Variants in BRWD1 observed in about 807,000 individuals in gnomAD.
The protein encoded by BRWD1 is bromodomain and WD repeat-containing protein 1.
BRWD1 carries 82 observed loss-of-function variants against 251.2 expected under a neutral mutation model. That is an observed-to-expected ratio of 0.33 (90% CI 0.27 to 0.39). The LOEUF is 0.39. BRWD1 is among the 10% of genes least tolerant of loss of function. The pLI is 1.00. For missense variants in BRWD1, 2,233 were observed against 2,711.6 expected, an observed-to-expected ratio of 0.82 and a Z score of 3.92; for synonymous variants, 918 against 902.8, an observed-to-expected ratio of 1.02 and a Z score of -0.30.
chr21:39,285,871 C>CAAAAAAAAAAAA (rs113834787), intron 8 of BRWD1, among the ~76,000 whole-genome samples: 1 of 101,472 alleles, frequency 9.9e-6, no homozygotes, highest in Non-Finnish European at 1.9e-5. Context: ...GCCCAGTCAA[C>CAAAAAAAAAAAA]AAAAAAAAAA....
At chr21:39,249,921 T>G (rs1417393724) in intron 20 of BRWD1, among the ~76,000 whole-genome samples, 1 of 58,748 alleles carries the variant, frequency 1.7e-5, no homozygotes, top group Non-Finnish European at 4.1e-5. Context: ...GGGGGGTGTG[T>G]GTGTGTGTGT....
At chr21:39,297,719 A>T (rs2035996899) in intron 5 of BRWD1, 2 of 327,960 alleles carry the variant, frequency 6.1e-6, no homozygotes, top group Non-Finnish European at 8.7e-6. Context: ...TGCAGCTAAG[A>T]GTAGCATCAC....
At chr21:39,303,127 G>A (rs1212428331) in intron 4 of BRWD1, among the ~76,000 whole-genome samples, 1 of 152,194 alleles carries the variant, frequency 6.6e-6, no homozygotes, top group East Asian at 1.9e-4. Context: ...TATTTGGGAA[G>A]TGGTAAAGGA....
At chr21:39,313,641 G>GCCCCCGCGGGGGAGGAAGTAGTC, upstream of BRWD1, 1 of 494,360 alleles carries the variant, frequency 2.0e-6, no homozygotes, top group Non-Finnish European at 3.1e-6. Flanking sequence ...CTGGACCGAC[G>GCCCCCGCGGGGGAGGAAGTAGTC]CCTCCGCGGG....
rs2031633386 is a variant in BRWD1, at chr21:39,193,015, G to C, written c.*3244C>G. On this transcript the variant is annotated 3_prime_UTR_variant, in exon 41 of 41. Transcript: ENST00000342449. ...ATTTTTACTTACGAGGTCATAACGA[G>C]TGCAAAGGGCTTAGTGATGCATCTT... 1.0e-6 allele frequency: 1 copy of C among 985,056 alleles called. No individual in the cohort carries two copies. 61.0% of individuals were successfully genotyped at this position (985,056 alleles called of 1,614,324 possible).
chr21:39,287,921 C>A (rs1302609037), intron 8 of BRWD1, among the ~76,000 whole-genome samples: 1 of 152,104 alleles, frequency 6.6e-6, no homozygotes, highest in Non-Finnish European at 1.5e-5. Flanking sequence ...CAACTTACCC[C>A]AAAATTTTTA....
At chr21:39,300,304 T>C (rs2036074234) in intron 4 of BRWD1, among the ~76,000 whole-genome samples, 1 of 152,112 alleles carries the variant, frequency 6.6e-6, no homozygotes, top group Non-Finnish European at 1.5e-5. Flanking sequence ...GAGAATGATC[T>C]CTTCTGACAT....
chr21:39,313,342 G>C, intron 1 of BRWD1, 43 bp from the exon 2 acceptor site: 1 of 1,505,252 alleles, frequency 6.6e-7, no homozygotes. Context: ...GGCGGGGAGG[G>C]GAGGGGGACG....
chr21:39,256,707 T>C (rs1184280931), intron 18 of BRWD1, among the ~76,000 whole-genome samples: 1 of 152,170 alleles, frequency 6.6e-6, no homozygotes, highest in African/African-American at 2.4e-5. Context: ...AAAGTGCTCA[T>C]TTTCTTACAA....
At chr21:39,313,129 G>A (rs986375351) in intron 2 of BRWD1, 28 bp from the exon 3 acceptor site, 1 of 1,497,996 alleles carries the variant, frequency 6.7e-7, no homozygotes, top group Non-Finnish European at 8.9e-7. Flanking sequence ...GCGGTCAGGG[G>A]TGGGGTCGGG....
Position 39,187,493 on chromosome 21 carries a change from A to G in BRWD1, c.*8766T>C. 2 of 1,479,004 alleles carry G rather than the reference A, an allele frequency of 1.4e-6. No homozygotes were observed. The highest frequency in any genetic ancestry group is 1.4e-5 in the African/African-American group (1 of 70,956). The allele number at this position is 1,479,004 out of a possible 1,614,324, so 91.6% of individuals were successfully genotyped here. A position where few individuals can be genotyped will look rare whatever the true frequency, so the allele number is the denominator to read the frequency against. ...ATTTTACTACTGCTAACATTCCTCA[A>G]CAACACTCATTCGGAAACAATAAAT... On this transcript the variant is annotated 3_prime_UTR_variant, in exon 41 of 41. Transcript: ENST00000342449.
At chr21:39,270,135 G>T in intron 14 of BRWD1, 102 bp from the exon 15 acceptor site, 2 of 1,211,498 alleles carry the variant, frequency 1.7e-6, no homozygotes, top group Non-Finnish European at 2.2e-6. Context: ...AAATGTATTC[G>T]ACAATAATTT....
chr21:39,259,312 CG>C (rs2034664801), intron 17 of BRWD1, among the ~76,000 whole-genome samples: 1 of 152,080 alleles, frequency 6.6e-6, no homozygotes, highest in African/African-American at 2.4e-5. Context: ...TTTTCTGAGA[CG>C]GAGTCTCACT....
chr21:39,205,095 G>A (rs1260971997), intron 37 of BRWD1, among the ~76,000 whole-genome samples: 1 of 152,130 alleles, frequency 6.6e-6, no homozygotes, highest in African/African-American at 2.4e-5. Flanking sequence ...TCACAGAAAT[G>A]CTTTCAAGCT....
At chr21:39,277,401 G>T in intron 10 of BRWD1, 50 bp from the exon 11 acceptor site, 1 of 1,109,690 alleles carries the variant, frequency 9.0e-7, no homozygotes, top group South Asian at 2.0e-5. Flanking sequence ...ACAAATACCT[G>T]AACAAATCAA....
At chr21:39,212,001 T>C (rs193079183) in intron 34 of BRWD1, among the ~76,000 whole-genome samples, 185 of 152,262 alleles carry the variant, frequency 1.2e-3, no homozygotes, top group African/African-American at 3.9e-3. Context: ...CTTAGTTCCA[T>C]AGACCCTTCT....
intron 21 of BRWD1, among the ~76,000 whole-genome samples, chr21:39,240,626 A>G (rs984134318): frequency 1.6e-4 from 25 of 152,232 alleles, no homozygotes; most frequent in Non-Finnish European, 2.5e-4. Context: ...ACTGCCCATA[A>G]CCAGGAGAAC....
chr21:39,308,481 CA>C (rs35833623), intron 4 of BRWD1, among the ~76,000 whole-genome samples: 58,901 of 107,354 alleles, frequency 0.55, 14,262 homozygotes, highest in Admixed American at 0.61. Context: ...CACCTTGTCT[CA>C]AAAAAAAAAA....
At chr21:39,290,290 C>A (rs1316704635) in intron 8 of BRWD1, among the ~76,000 whole-genome samples, 5 of 151,798 alleles carry the variant, frequency 3.3e-5, no homozygotes, top group African/African-American at 1.2e-4. Context: ...GAGATCGAGA[C>A]AATCCTGGCT....
Sources: allele counts gnomAD v4.1 joint callset (sites outside exome capture counted in the v4.1 genomes callset), GRCh38; gene constraint gnomAD v4.1.1; transcripts MANE v1.5; gene names NCBI Gene and HGNC (gene_info 2026-07-23, HGNC 2026-07-21).